RYK: variants seen among roughly 807,000 people sequenced by gnomAD.
RYK encodes receptor like tyrosine kinase.
In RYK, 21 loss-of-function variants were observed where a neutral mutation model predicts 70.2. The observed-to-expected ratio is 0.30, with a 90% confidence interval of 0.21 to 0.43. The LOEUF is 0.43. Ranked by LOEUF, RYK falls within the 20% of genes least tolerant of loss-of-function variation. RYK has a pLI of 1.00. For synonymous variants in RYK, 267 were observed against 278.0 expected, an observed-to-expected ratio of 0.96 and a Z score of 0.39; for missense variants, 604 against 753.3, an observed-to-expected ratio of 0.80 and a Z score of 2.32.
At chr3:134,234,436 A>G (rs1560027436) in intron 1 of RYK, among the ~76,000 whole-genome samples, 1 of 152,168 alleles carries the variant, frequency 6.6e-6, no homozygotes, top group Non-Finnish European at 1.5e-5. Flanking sequence ...GAGAAAGACC[A>G]AAAGAGAAGA....
chr3:134,167,416 G>A (rs1576501472), intron 13 of RYK, among the ~76,000 whole-genome samples: 1 of 152,294 alleles, frequency 6.6e-6, no homozygotes, highest in African/African-American at 2.4e-5. Flanking sequence ...CAATGGAACA[G>A]AATAGAGCCC....
Position 134,207,431 on chromosome 3 carries a change from T to C in RYK, c.643+41A>G, listed in dbSNP as rs1425927444. ...ATGTTTATATGCAGTCAACCATTTT[T>C]CATTTCTAATAATGGATAAAGATAA... On this transcript the variant is annotated intron_variant, in intron 5 of 14. Transcript: ENST00000623711. 10 of 1,337,242 alleles carry C rather than the reference T, an allele frequency of 7.5e-6. No homozygotes were observed. In the East Asian group the frequency reaches 2.6e-4, roughly 35 times the overall value. 82.8% of individuals were successfully genotyped at this position (1,337,242 alleles called of 1,614,324 possible). A position where few individuals can be genotyped will look rare whatever the true frequency, so the allele number is the denominator to read the frequency against.
At chr3:134,204,428 G>C (rs780534590) in intron 5 of RYK, among the ~76,000 whole-genome samples, 3 of 152,004 alleles carry the variant, frequency 2.0e-5, no homozygotes, top group Non-Finnish European at 4.4e-5. Context: ...GAACCCGGGA[G>C]GCAGAGGTTG....
intron 1 of RYK, among the ~76,000 whole-genome samples, chr3:134,227,658 G>C (rs2014948454): frequency 6.6e-6 from 1 of 151,804 alleles, no homozygotes; most frequent in South Asian, 2.1e-4. Flanking sequence ...TTATGAAAAA[G>C]ACTTTGGAGG....
In RYK at chr3:134,188,819, A is replaced by G. The variant is rs1560008953; in HGVS notation, c.1102+18T>C. 1 of 1,451,588 alleles carries G rather than the reference A, an allele frequency of 6.9e-7. No homozygotes were observed. The highest frequency in any genetic ancestry group is 1.2e-5 in the South Asian group (1 of 83,020). 89.9% of individuals were successfully genotyped at this position (1,451,588 alleles called of 1,614,324 possible). A position where few individuals can be genotyped will look rare whatever the true frequency, so the allele number is the denominator to read the frequency against. On this transcript the variant is annotated intron_variant, in intron 9 of 14. Transcript: ENST00000623711. ...GACAGAAGAGCATCATGGAAATACT[A>G]TGGAAAAAAGATCCTACCTTTAACT...
intron 4 of RYK, 144 bp from the exon 5 acceptor site, chr3:134,207,669 T>C: frequency 1.7e-6 from 1 of 579,228 alleles, no homozygotes; most frequent in Non-Finnish European, 3.0e-6. Context: ...ATTCTGATAA[T>C]CACCACTACA....
At chr3:134,226,257 T>C (rs1273447257) in intron 1 of RYK, among the ~76,000 whole-genome samples, 1 of 152,070 alleles carries the variant, frequency 6.6e-6, no homozygotes, top group East Asian at 1.9e-4. Context: ...AAGATTATTA[T>C]AAACAACTTT....
chr3:134,161,065 G>A (rs1018941641), intron 13 of RYK, among the ~76,000 whole-genome samples: 4 of 152,164 alleles, frequency 2.6e-5, no homozygotes, highest in Admixed American at 6.5e-5. Context: ...AGAATACAGA[G>A]TGCTGAAAAT....
At chr3:134,241,924 C>G (rs377006022) in intron 1 of RYK, among the ~76,000 whole-genome samples, 2 of 152,342 alleles carry the variant, frequency 1.3e-5, no homozygotes, top group Middle Eastern at 3.4e-3. Context: ...CAGCAAGATA[C>G]GCTCTTCCTC....
At chr3:134,177,383 CAA>C (rs75761758) in intron 11 of RYK, among the ~76,000 whole-genome samples, 87 of 151,880 alleles carry the variant, frequency 5.7e-4, no homozygotes, top group South Asian at 1.5e-3. Flanking sequence ...CAGCTGACAG[CAA>C]AAAAAACCCA....
chr3:134,200,061 G>T (rs763504991), intron 6 of RYK, among the ~76,000 whole-genome samples: 1 of 152,040 alleles, frequency 6.6e-6, no homozygotes, highest in Non-Finnish European at 1.5e-5. Flanking sequence ...TCAGCTCTCT[G>T]TAAAATGGAC....
At chr3:134,213,361 G>C (rs1313034871) in intron 2 of RYK, among the ~76,000 whole-genome samples, 1 of 152,174 alleles carries the variant, frequency 6.6e-6, no homozygotes, top group African/African-American at 2.4e-5. Flanking sequence ...GATCAAATAA[G>C]ATCATTAATG....
chr3:134,179,472 C>G (rs1466462367), intron 10 of RYK: 3 of 152,162 alleles, frequency 2.0e-5, no homozygotes, highest in East Asian at 3.9e-4. Flanking sequence ...TCTCTATAAC[C>G]GCTCAAGTGG....
At chr3:134,210,696 T>C (rs754389100) in intron 3 of RYK, among the ~76,000 whole-genome samples, 5 of 152,208 alleles carry the variant, frequency 3.3e-5, no homozygotes, top group Non-Finnish European at 4.4e-5. Flanking sequence ...AGCAGTTAAA[T>C]TGGTGTAAAT....
intron 1 of RYK, among the ~76,000 whole-genome samples, chr3:134,225,560 C>G (rs2014883152): frequency 6.6e-6 from 1 of 152,030 alleles, no homozygotes. Flanking sequence ...TCTCAGAAAT[C>G]AAAAGATCAA....
At chr3:134,167,356 C>A (rs144042328) in intron 13 of RYK, among the ~76,000 whole-genome samples, 2 of 152,160 alleles carry the variant, frequency 1.3e-5, no homozygotes, top group Non-Finnish European at 2.9e-5. Flanking sequence ...TACTACAAGG[C>A]TACAGTAACC....
Position 134,165,771 on chromosome 3 carries a change from G to A in RYK, c.1576-6398C>T, listed in dbSNP as rs139008786. ...GTTAGGTTTTCAACTTATTTTAGAT[G>A]CATTACTCCTTTCTTCTTTCCTATT... On this transcript the variant is annotated intron_variant, in intron 13 of 14. Coordinates refer to ENST00000623711, the MANE Select transcript of RYK (RefSeq NM_002958.4). 7.2e-3 allele frequency among the ~76,000 whole-genome samples: 1,094 copies of A among 152,346 alleles called. 18 individuals carry two copies. The highest frequency in any genetic ancestry group is 0.024 in the African/African-American group (1,001 of 41,572).
intron 14 of RYK, 107 bp from the exon 15 acceptor site, chr3:134,158,371 A>G (rs1466202751): frequency 6.4e-6 from 3 of 466,644 alleles, no homozygotes; most frequent in Non-Finnish European, 1.1e-5. Context: ...GGGTATGGAG[A>G]GGATGATATA....
intron 13 of RYK, among the ~76,000 whole-genome samples, chr3:134,164,925 A>T (rs900687403): frequency 2.0e-5 from 3 of 152,234 alleles, no homozygotes; most frequent in Non-Finnish European, 4.4e-5. Flanking sequence ...AATTTTAGCC[A>T]AACCAACAGT....
Sources: allele counts gnomAD v4.1 joint callset (sites outside exome capture counted in the v4.1 genomes callset), GRCh38; gene constraint gnomAD v4.1.1; transcripts MANE v1.5; gene names NCBI Gene and HGNC (gene_info 2026-07-23, HGNC 2026-07-21).